The following ZSWIM5 variants were observed in gnomAD, a reference collection of about 807,000 sequenced individuals.
ZSWIM5 encodes zinc finger SWIM-type containing 5, also known as zinc finger SWIM domain-containing protein 5.
A neutral mutation model predicts 119.6 loss-of-function variants in ZSWIM5; 55 were observed. That is an observed-to-expected ratio of 0.46 (90% CI 0.37 to 0.58). The LOEUF is 0.58. Among genes scored for constraint, ZSWIM5 ranks in the 20% least tolerant of loss-of-function variants. The pLI is 0.00. For synonymous variants in ZSWIM5, 537 were observed against 606.9 expected (o/e 0.88, Z 1.69); for missense variants, 1,193 against 1,512.8 (o/e 0.79, Z 3.51).
Position 45,058,759 on chromosome 1 carries a change from C to T in ZSWIM5, c.1102G>A (p.Val368Ile). Residue 368 changes from valine to isoleucine, a missense_variant and splice_region_variant, in exon 4 of 14, where the codon GTT (valine) becomes ATT (isoleucine). By Grantham distance (29) the Val-to-Ile change is conservative. Coordinates refer to ENST00000359600, the MANE Select transcript of ZSWIM5 (RefSeq NM_020883.2). Reference protein sequence around the residue: ...GKQLNSMFAKVREMLRMRDSN... With the variant: ...GKQLNSMFAKIREMLRMRDSN... ...TCTCTCATCCGCAGCATTTCTCGAA[C>T]CTGACACATAAGAAGTGGCAAGGGA... 6.2e-7 allele frequency: 1 copy of T among 1,613,894 alleles called. No individual in the cohort carries two copies. Among genetic ancestry groups the T allele is most frequent in the Non-Finnish European group, 8.5e-7 (1 of 1,180,000 alleles).
intron 1 of ZSWIM5, among the ~76,000 whole-genome samples, chr1:45,110,852 A>C (rs1379168602): frequency 1.3e-5 from 2 of 152,132 alleles, no homozygotes; most frequent in African/African-American, 2.4e-5. Context: ...CTGTACCCTG[A>C]TGGAGAAAAA....
intron 11 of ZSWIM5, among the ~76,000 whole-genome samples, chr1:45,025,793 C>G (rs1644917235): frequency 6.6e-6 from 1 of 152,158 alleles, no homozygotes; most frequent in Non-Finnish European, 1.5e-5. Context: ...CCAATATGTA[C>G]AATCCCTGGC....
intron 11 of ZSWIM5, among the ~76,000 whole-genome samples, chr1:45,031,416 T>G (rs560208089): frequency 1.3e-5 from 2 of 151,682 alleles, no homozygotes; most frequent in South Asian, 2.1e-4. Context: ...ACTCCTGGCT[T>G]CAAGTGATCT....
chr1:45,043,169 G>A, intron 6 of ZSWIM5, 50 bp downstream of exon 6: 1 of 1,585,994 alleles, frequency 6.3e-7, no homozygotes, highest in Non-Finnish European at 8.6e-7. Context: ...ATTTGGGCCT[G>A]GCATGAAGTG....
Position 45,074,769 on chromosome 1 carries a change from T to A in ZSWIM5, c.952+13112A>T, listed in dbSNP as rs1415796863. On this transcript the variant is annotated intron_variant, in intron 2 of 13. Coordinates refer to ENST00000359600, the MANE Select transcript of ZSWIM5 (RefSeq NM_020883.2). ...TTCTTCTATTAAATTTGGGTTTGGT[T>A]TGCTCTTGCTTTTCTAGTTCTTTAA... Among the ~76,000 whole-genome samples the A allele has an allele frequency of 2.6e-5, 4 of 151,942 alleles. No homozygotes were observed. The East Asian group carries it at 5.8e-4, about 22-fold the overall frequency.
chr1:45,153,338 A>G (rs1416818353), intron 1 of ZSWIM5, among the ~76,000 whole-genome samples: 1 of 151,648 alleles, frequency 6.6e-6, no homozygotes, highest in East Asian at 1.9e-4. Flanking sequence ...CCTGGCCAAC[A>G]TTGCGAAAAA....
At chr1:45,157,071 T>C (rs572967911) in intron 1 of ZSWIM5, among the ~76,000 whole-genome samples, 1 of 152,244 alleles carries the variant, frequency 6.6e-6, no homozygotes, top group South Asian at 2.1e-4. Flanking sequence ...CAACCATTGT[T>C]CTGATTTTTT....
intron 1 of ZSWIM5, among the ~76,000 whole-genome samples, chr1:45,130,325 A>G (rs1300969491): frequency 6.6e-6 from 1 of 151,980 alleles, no homozygotes; most frequent in Non-Finnish European, 1.5e-5. Flanking sequence ...CTAATTATCA[A>G]ACAAAGGAAC....
At chr1:45,075,028 A>C (rs1167211665) in intron 2 of ZSWIM5, among the ~76,000 whole-genome samples, 4 of 151,892 alleles carry the variant, frequency 2.6e-5, no homozygotes, top group African/African-American at 4.9e-5. Flanking sequence ...AGTTTCCAAA[A>C]TTCCTCTTGT....
intron 1 of ZSWIM5, among the ~76,000 whole-genome samples, chr1:45,115,030 C>T (rs968152086): frequency 1.3e-5 from 2 of 152,184 alleles, no homozygotes; most frequent in African/African-American, 4.8e-5. Context: ...AATGGAGTCT[C>T]CCATGTCCAC....
At chr1:45,164,348 A>T (rs892339623) in intron 1 of ZSWIM5, among the ~76,000 whole-genome samples, 35 of 152,288 alleles carry the variant, frequency 2.3e-4, no homozygotes, top group East Asian at 5.8e-4. Context: ...AACAACCGGT[A>T]CCAGCCACTG....
intron 1 of ZSWIM5, among the ~76,000 whole-genome samples, chr1:45,114,739 C>T (rs1004630858): frequency 2.0e-5 from 3 of 151,544 alleles, no homozygotes; most frequent in Non-Finnish European, 4.4e-5. Context: ...GGAAGGTCAG[C>T]AGATAAACAT....
chr1:45,046,615 G>A (rs1251792460), intron 5 of ZSWIM5, among the ~76,000 whole-genome samples: 2 of 147,156 alleles, frequency 1.4e-5, no homozygotes, highest in East Asian at 2.0e-4. Flanking sequence ...AGAGTTGAGA[G>A]GAAAGGTCTG....
intron 1 of ZSWIM5, among the ~76,000 whole-genome samples, chr1:45,160,848 GTC>G (rs772653389): frequency 7.0e-6 from 1 of 142,156 alleles, no homozygotes; most frequent in Non-Finnish European, 1.5e-5. Flanking sequence ...TTTAGACGGA[GTC>G]TCTCTTTGTC....
intron 1 of ZSWIM5, among the ~76,000 whole-genome samples, chr1:45,096,692 A>G (rs1339908545): frequency 2.6e-5 from 4 of 152,198 alleles, no homozygotes; most frequent in Non-Finnish European, 5.9e-5. Flanking sequence ...CTCGGATCAC[A>G]AAGCAAAGCC....
chr1:45,125,940 A>G (rs114584279), intron 1 of ZSWIM5, among the ~76,000 whole-genome samples: 1 of 151,828 alleles, frequency 6.6e-6, no homozygotes. Context: ...TGGTGGCAAG[A>G]GCTTGCACCC....
intron 2 of ZSWIM5, among the ~76,000 whole-genome samples, chr1:45,071,353 A>G (rs1645220573): frequency 6.6e-6 from 1 of 152,078 alleles, no homozygotes; most frequent in African/African-American, 2.4e-5. Context: ...TCTCACAAAC[A>G]AGTGAGAACA....
chr1:45,033,945 C>T (rs946869584), intron 11 of ZSWIM5, among the ~76,000 whole-genome samples: 4 of 151,896 alleles, frequency 2.6e-5, no homozygotes, highest in Admixed American at 1.3e-4. Context: ...TCACTGCAAG[C>T]TCTGCCTCAC....
intron 1 of ZSWIM5, among the ~76,000 whole-genome samples, chr1:45,204,815 G>GA (rs1167987681): frequency 2.0e-5 from 3 of 151,904 alleles, no homozygotes; most frequent in Non-Finnish European, 4.4e-5. Flanking sequence ...AATCCAAATA[G>GA]AAAAAAATTC....
Sources: gnomAD v4.1 joint callset for allele counts (sites outside exome capture counted in the v4.1 genomes callset) on GRCh38, gnomAD v4.1.1 for gene constraint, MANE v1.5 for transcripts, NCBI Gene and HGNC (gene_info 2026-07-23, HGNC 2026-07-21) for gene names.